The following EFHC1 variants were observed in gnomAD, a reference collection of about 807,000 sequenced individuals.
The protein encoded by EFHC1 is EF-hand domain-containing protein 1.
Under a neutral mutation model 69.9 loss-of-function variants are expected in EFHC1, and 53 were observed. The ratio of observed to expected loss-of-function variants is 0.76; its 90% CI spans 0.61 to 0.95. The LOEUF is 0.95. EFHC1 is among the 40% of genes least tolerant of loss of function. EFHC1 has a pLI of 0.00. For synonymous variants in EFHC1, 256 were observed against 278.4 expected (o/e 0.92, Z 0.80); for missense variants, 739 against 798.7 (o/e 0.93, Z 0.90).
chr6:52,453,750 T>C, intron 4 of EFHC1: 1 of 1,242,398 alleles, frequency 8.0e-7, no homozygotes, highest in Non-Finnish European at 1.0e-6. Context: ...TATTCACATG[T>C]ACCTTTATTA....
intron 7 of EFHC1, among the ~76,000 whole-genome samples, chr6:52,475,010 T>G (rs536562462): frequency 6.7e-6 from 1 of 149,504 alleles, no homozygotes; most frequent in African/African-American, 2.4e-5. Flanking sequence ...TGTTTTGGGT[T>G]TTTTTTTTTT....
intron 6 of EFHC1, among the ~76,000 whole-genome samples, chr6:52,465,790 G>A (rs1434543645): frequency 6.7e-6 from 1 of 149,632 alleles, no homozygotes; most frequent in Non-Finnish European, 1.5e-5. Flanking sequence ...CTGGGCAACA[G>A]AATGAGTGAA....
rs184831590 is a variant in EFHC1, at chr6:52,495,605, T to C, written c.*3264T>C. On this transcript the variant is annotated 3_prime_UTR_variant, in exon 11 of 11. Transcript: ENST00000371068. ...TTTGTTTTGTTTTTGTGTTTGTTTT[T>C]TAGAGACAGGGTCTTACTCTGTTGC... 2.2e-6 allele frequency: 1 copy of C among 453,982 alleles called. No homozygotes were observed. Among genetic ancestry groups the C allele is most frequent in the East Asian group, 7.0e-5 (1 of 14,388 alleles). 28.1% of individuals were successfully genotyped at this position (453,982 alleles called of 1,614,324 possible).
rs772699141 is a variant in EFHC1, at chr6:52,454,129, A to T, written c.758A>T (p.Asp253Val). The T allele has an allele frequency of 6.2e-7, 1 of 1,613,970 alleles. No homozygotes were observed. The highest frequency in any genetic ancestry group is 8.5e-7 in the Non-Finnish European group (1 of 1,179,980). The change falls in exon 5 of 11, where the codon GAC (aspartate) becomes GTC (valine). Residue 253 changes from aspartate to valine, a missense_variant. Coordinates refer to ENST00000371068, the MANE Select transcript of EFHC1 (RefSeq NM_018100.4). Reference protein sequence around the residue: ...LRFYAIWDDTDSMYGECRTYI... With the variant: ...LRFYAIWDDTVSMYGECRTYI... Reference sequence around the variant, plus strand: ...TTCTATGCAATCTGGGATGATACAGACAGCATGTATGGTGAATGTCGGACC... The same window carrying T: ...TTCTATGCAATCTGGGATGATACAGTCAGCATGTATGGTGAATGTCGGACC...
chr6:52,450,864 T>C (rs767824776), intron 3 of EFHC1, among the ~76,000 whole-genome samples: 2 of 152,198 alleles, frequency 1.3e-5, no homozygotes, highest in African/African-American at 4.8e-5. Context: ...AGTGGCGTGC[T>C]CTCAGCTCAC....
At chr6:52,467,843 C>T (rs1765344752) in intron 6 of EFHC1, among the ~76,000 whole-genome samples, 3 of 152,168 alleles carry the variant, frequency 2.0e-5, no homozygotes. Flanking sequence ...ATGCCAATTA[C>T]CAATCAGCAA....
intron 6 of EFHC1, among the ~76,000 whole-genome samples, chr6:52,468,005 C>T (rs779567238): frequency 1.4e-4 from 22 of 152,132 alleles, no homozygotes; most frequent in Non-Finnish European, 2.8e-4. Context: ...ATATTCAATT[C>T]GAGAGGTATG....
intron 10 of EFHC1, among the ~76,000 whole-genome samples, chr6:52,491,205 C>T (rs1765895583): frequency 6.6e-6 from 1 of 152,154 alleles, no homozygotes; most frequent in Non-Finnish European, 1.5e-5. Flanking sequence ...ACACATTTAG[C>T]TCCCCAAATT....
At chr6:52,474,123 G>A (rs1765495442) in intron 7 of EFHC1, among the ~76,000 whole-genome samples, 1 of 152,042 alleles carries the variant, frequency 6.6e-6, no homozygotes, top group South Asian at 2.1e-4. Flanking sequence ...TATGTCATAG[G>A]GCAACATAAT....
intron 5 of EFHC1, among the ~76,000 whole-genome samples, chr6:52,462,210 C>T (rs1278533741): frequency 6.6e-6 from 1 of 150,486 alleles, no homozygotes; most frequent in Non-Finnish European, 1.5e-5. Context: ...TTTCAGATAA[C>T]CCATGAGTTA....
intron 2 of EFHC1, among the ~76,000 whole-genome samples, chr6:52,429,661 G>T (rs1452660456): frequency 6.6e-6 from 1 of 152,058 alleles, no homozygotes; most frequent in Non-Finnish European, 1.5e-5. Flanking sequence ...GCTTATTCTT[G>T]CTTTGGCTAT....
chr6:52,449,870 T>C (rs1378358767), intron 3 of EFHC1, among the ~76,000 whole-genome samples: 1 of 152,226 alleles, frequency 6.6e-6, no homozygotes, highest in Non-Finnish European at 1.5e-5. Flanking sequence ...TGATTTGCTC[T>C]TGCTTCTGTA....
intron 1 of EFHC1, chr6:52,423,671 T>TTC: frequency 4.4e-6 from 2 of 456,638 alleles, no homozygotes; most frequent in Non-Finnish European, 7.6e-6. Flanking sequence ...TTTTTTTTTT[T>TTC]TTTTTTTTTT....
At chr6:52,484,345 A>G (rs1274292825) in intron 9 of EFHC1, 1 of 152,206 alleles carries the variant, frequency 6.6e-6, no homozygotes, top group East Asian at 1.9e-4. Flanking sequence ...TATCTGAAAA[A>G]TTTTCAAATA....
At chr6:52,453,532 T>A in intron 4 of EFHC1, 1 of 1,286,880 alleles carries the variant, frequency 7.8e-7, no homozygotes. Context: ...TAGCATGGTC[T>A]TTTAAGGATT....
chr6:52,435,957 C>T (rs533886859), intron 2 of EFHC1, among the ~76,000 whole-genome samples: 2 of 152,304 alleles, frequency 1.3e-5, no homozygotes, highest in Admixed American at 1.3e-4. Context: ...GTCTGAATTT[C>T]AGTTCCAGTT....
intron 7 of EFHC1, among the ~76,000 whole-genome samples, chr6:52,473,179 G>C (rs948726291): frequency 1.3e-5 from 2 of 152,100 alleles, no homozygotes. Flanking sequence ...CATGTTATTG[G>C]TGCAAGGATA....
chr6:52,434,156 T>A (rs1246179338), intron 2 of EFHC1, among the ~76,000 whole-genome samples: 1 of 152,186 alleles, frequency 6.6e-6, no homozygotes, highest in African/African-American at 2.4e-5. Flanking sequence ...ACCTGTGGAA[T>A]CTGTACACTG....
At chr6:52,424,750 T>C (rs1764267793) in intron 2 of EFHC1, among the ~76,000 whole-genome samples, 1 of 152,216 alleles carries the variant, frequency 6.6e-6, no homozygotes, top group South Asian at 2.1e-4. Context: ...ATCATTCTTG[T>C]TTTTCCTTGT....
Sources: gnomAD v4.1 joint callset for allele counts (sites outside exome capture counted in the v4.1 genomes callset) on GRCh38, gnomAD v4.1.1 for gene constraint, MANE v1.5 for transcripts, NCBI Gene and HGNC (gene_info 2026-07-23, HGNC 2026-07-21) for gene names.